Variants in CUL7 observed in about 807,000 individuals in gnomAD.
CUL7 encodes cullin 7, also known as cullin-7.
CUL7 carries 96 observed loss-of-function variants against 177.7 expected under a neutral mutation model. The observed-to-expected ratio is 0.54, with a 90% CI of 0.46 to 0.64. The LOEUF (loss-of-function observed/expected upper bound fraction) is 0.64. Among genes scored for constraint, CUL7 ranks in the 30% least tolerant of loss-of-function variants. The probability of loss-of-function intolerance (pLI) is 0.00; values close to 1 mark genes in which losing one functional copy is unlikely to be tolerated. For missense variants in CUL7, 1,893 were observed against 2,187.9 expected (o/e 0.87, Z 2.69); for synonymous variants, 824 against 890.2 (o/e 0.93, Z 1.32).
chr6:43,040,775 T>A lies in CUL7; in HGVS notation c.3807-29A>T, dbSNP rs1763346183. 6.2e-7 allele frequency: 1 copy of A among 1,610,986 alleles called. No individual in the cohort carries two copies. Among genetic ancestry groups the A allele is most frequent in the South Asian group, 1.1e-5 (1 of 91,014 alleles). On this transcript the variant is annotated intron_variant, in intron 20 of 25. Transcript: ENST00000265348. This position sits in a 1 kb window ranked among gnomAD's most constrained non-coding sequence, Gnocchi z 4.2. ...CAGTGCATGCAGCCCGGGCCAAGCC[T>A]CAGTGTGGGCACCAGTGTGGCCCAG...
chr6:43,038,197 A>C, intron 25 of CUL7, 70 bp downstream of exon 25: 1 of 1,569,200 alleles, frequency 6.4e-7, no homozygotes, highest in Non-Finnish European at 8.7e-7. Flanking sequence ...ACGTGCACCC[A>C]CCTTGTCCTG....
chr6:43,051,914 CAT>C lies in CUL7; in HGVS notation c.581-153_581-152del, dbSNP rs1234258404. 1 of 1,048,488 alleles carries C rather than the reference CAT, an allele frequency of 9.5e-7. No homozygotes were observed. The highest frequency in any genetic ancestry group is 2.4e-5 in the East Asian group (1 of 41,754). The allele number at this position is 1,048,488 out of a possible 1,614,324, so 64.9% of individuals were successfully genotyped here. ...AAGCTAAAATTTGCTAACTTATACACATACACACACACACGCACATAAACACG... is the reference window on the plus strand; with the variant it reads ...AAGCTAAAATTTGCTAACTTATACACACACACACACACGCACATAAACACG... On this transcript the variant is annotated intron_variant, in intron 2 of 25. Transcript: ENST00000265348. The surrounding 1 kb of genome is among the most constrained non-coding windows in gnomAD (Gnocchi z 5.0).
rs1393778816 is a variant in CUL7, at chr6:43,051,944, C to T, written c.581-181G>A. Among the ~76,000 whole-genome samples, 2 of 152,174 alleles carry T rather than the reference C, an allele frequency of 1.3e-5. No homozygotes were observed. The highest frequency in any genetic ancestry group is 6.6e-5 in the Admixed American group (1 of 15,266). Reference sequence around the variant, plus strand: ...ACACACACACGCACATAAACACGATCTACAATAGTCTAAACTCTAAATTCT... The same window carrying T: ...ACACACACACGCACATAAACACGATTTACAATAGTCTAAACTCTAAATTCT... On this transcript the variant is annotated intron_variant, in intron 2 of 25. Transcript: ENST00000265348. This position sits in a 1 kb window ranked among gnomAD's most constrained non-coding sequence, Gnocchi z 5.0.
Position 43,040,167 on chromosome 6 carries a change from A to T in CUL7, c.4283T>A (p.Phe1428Tyr). 2 of 1,614,066 alleles carry T rather than the reference A, an allele frequency of 1.2e-6. No homozygotes were observed. The highest frequency in any genetic ancestry group is 1.7e-6 in the Non-Finnish European group (2 of 1,180,012). The part of the protein sequence containing the change: ...LRGTLNRYSN[F>Y]YNKSQSHPAL... ...GCCTGGCTGCTCACTCTTGTTGTAG[A>T]AGTTGGAGTATCTGTTCAAAGTGCC... Residue 1428 changes from phenylalanine to tyrosine, a missense_variant, in exon 22 of 26, where the codon TTC (phenylalanine) becomes TAC (tyrosine). Around this residue, in one of 5 missense-constraint regions of CUL7, gnomAD observed 973 missense variants for 1,140.9 expected, o/e 0.85. Coordinates refer to ENST00000265348, the MANE Select transcript of CUL7 (RefSeq NM_014780.5). The surrounding 1 kb of genome is among the most constrained non-coding windows in gnomAD (Gnocchi z 4.2).
rs769499040 is a variant in CUL7 at position 43,040,607 on chromosome 6, G to A, written c.3946C>T (p.Arg1316Cys). 39 of 1,614,210 alleles carry A rather than the reference G, an allele frequency of 2.4e-5. No individual in the cohort carries two copies. The highest frequency in any genetic ancestry group is 3.1e-5 in the Non-Finnish European group (36 of 1,180,036). The change falls in exon 21 of 26, where the codon CGC becomes TGC. Residue 1316 changes from arginine (R) to cysteine (C), a missense_variant. Coordinates refer to ENST00000265348, the MANE Select transcript of CUL7 (RefSeq NM_014780.5). The surrounding 1 kb of genome is among the most constrained non-coding windows in gnomAD (Gnocchi z 4.2). ...QSLSTSKELQ[R>C]QFHVYQLQQL... ...TGGAGCTGGTAGACGTGGAACTGGCGCTGCAGCTCCTTAGAGGTGCTCAGG... is the reference window on the plus strand; with the variant it reads ...TGGAGCTGGTAGACGTGGAACTGGCACTGCAGCTCCTTAGAGGTGCTCAGG...
intron 19 of CUL7, 37 bp downstream of exon 19, chr6:43,042,765 G>A: frequency 6.9e-7 from 1 of 1,455,566 alleles, no homozygotes; most frequent in Non-Finnish European, 9.6e-7. Context: ...GAGTTTGTCG[G>A]AAGAGACCCA....
rs201127168 is a variant in CUL7, at chr6:43,042,003, CAAAAAAAA to C, written c.3645+791_3645+798del. Among the ~76,000 whole-genome samples, 136 of 53,554 alleles carry C rather than the reference CAAAAAAAA, an allele frequency of 2.5e-3. 2 individuals are homozygous for C. The highest frequency in any genetic ancestry group is 8.8e-3 in the Admixed American group (40 of 4,564). The allele number at this position is 53,554 out of a possible 152,430, so 35.1% of individuals were successfully genotyped here. A position where few individuals can be genotyped will look rare whatever the true frequency, so the allele number is the denominator to read the frequency against. ...TGGGCAACAGAGCGAGACTCCGTCT[CAAAAAAAA>C]AAAAAAAAAAAAGGAAGAAGAAAGA... On this transcript the variant is annotated intron_variant, in intron 19 of 25. Transcript: ENST00000265348.
intron 11 of CUL7, 22 bp downstream of exon 11, chr6:43,046,489 C>T: frequency 6.2e-7 from 1 of 1,614,050 alleles, no homozygotes; most frequent in Non-Finnish European, 8.5e-7. Context: ...GGAGGTGGAG[C>T]AACACGGCAA....
chr6:43,042,322 G>T (rs1271873864), intron 19 of CUL7, among the ~76,000 whole-genome samples: 1 of 151,990 alleles, frequency 6.6e-6, no homozygotes, highest in Non-Finnish European at 1.5e-5. Context: ...CTCATCAATT[G>T]TGGGGGGTTT....
chr6:43,039,807 T>C (rs1388262860), intron 22 of CUL7, among the ~76,000 whole-genome samples: 2 of 144,762 alleles, frequency 1.4e-5, no homozygotes, highest in Non-Finnish European at 3.0e-5. Flanking sequence ...TGGCACGATC[T>C]CGGCTCACTG....
Position 43,051,434 on chromosome 6 carries a change from C to T in CUL7, c.767G>A (p.Arg256Gln), listed in dbSNP as rs151210822. 359 of 1,613,878 alleles carry T rather than the reference C, an allele frequency of 2.2e-4. No homozygotes were observed. Among genetic ancestry groups the T allele is most frequent in the Non-Finnish European group, 2.9e-4 (340 of 1,180,020 alleles). Residue 256 changes from arginine (R) to glutamine (Q), a missense_variant, in exon 4 of 26, where the codon CGG becomes CAG. By Grantham distance (43) the Arg-to-Gln change is conservative. Coordinates refer to ENST00000265348, the MANE Select transcript of CUL7 (RefSeq NM_014780.5). This position sits in a 1 kb window ranked among gnomAD's most constrained non-coding sequence, Gnocchi z 5.0. ...PGRVLFSLVK[R>Q]YLHVTSLLDQ... ...CAGGAGCGAGGTGACATGCAAATAC[C>T]GCTTCACCAGGGAGAAGAGCACCCT... is the stretch of plus-strand genomic sequence containing the variant.
At chr6:43,049,261 G>A (rs1253391735) in intron 7 of CUL7, 146 bp downstream of exon 7, 2 of 1,029,012 alleles carry the variant, frequency 1.9e-6, no homozygotes, top group Non-Finnish European at 1.5e-6. Flanking sequence ...CACAATGCCT[G>A]CTTCTCCGTT....
rs1475713367 is a variant in CUL7, at chr6:43,048,568, T to C, written c.1827A>G (p.Ala609=). The C allele has an allele frequency of 6.2e-7, 1 of 1,612,326 alleles. No homozygotes were observed. The highest frequency in any genetic ancestry group is 8.5e-7 in the Non-Finnish European group (1 of 1,178,434). The change falls in exon 8 of 26, where the codon GCA becomes GCG. Residue 609 remains alanine (A), a splice_region_variant and synonymous_variant. Coordinates refer to ENST00000265348, the MANE Select transcript of CUL7 (RefSeq NM_014780.5). ...KDSEDAAKVE[A]KEPPSQSPNT... is the part of the protein sequence containing the mutation. ...TGGGACTCTGAGATGGGGGTTCTTTTGCTACAGGAAGGGGACAGTCACAGG... is the reference window on the plus strand; with the variant it reads ...TGGGACTCTGAGATGGGGGTTCTTTCGCTACAGGAAGGGGACAGTCACAGG...
intron 16 of CUL7, 29 bp downstream of exon 16, chr6:43,044,723 G>T (rs770168916): frequency 6.3e-7 from 1 of 1,594,852 alleles, no homozygotes; most frequent in South Asian, 1.1e-5. Flanking sequence ...CCCTGAGATA[G>T]TAATGGGTCC....
rs147736152 is a variant in CUL7 at position 43,046,346 on chromosome 6, C to T, written c.2550G>A (p.Pro850=). ...CWEKVEVSSN[P]HRASKLTDHN... is the part of the protein sequence containing the mutation. ...GGTCCGTCAGCTTGCTGGCCCGGTG[C>T]GGGTTGGAGGACACCTCCACCTTCT... is the stretch of plus-strand genomic sequence containing the variant. The change falls in exon 12 of 26, where the codon CCG becomes CCA. Residue 850 remains proline, a synonymous_variant. Transcript: ENST00000265348. The T allele has an allele frequency of 5.0e-5, 81 of 1,614,178 alleles. No homozygotes were observed. Among genetic ancestry groups the T allele is most frequent in the Admixed American group, 1.2e-4 (7 of 60,030 alleles).
chr6:43,044,095 G>T (rs1225408214), intron 16 of CUL7, among the ~76,000 whole-genome samples: 2 of 152,032 alleles, frequency 1.3e-5, no homozygotes, highest in East Asian at 3.9e-4. Context: ...GACTGAGGCG[G>T]GTGGATCACC....
rs141295852 is a variant in CUL7, at chr6:43,050,302, C to A, written c.1330G>T (p.Asp444Tyr). Residue 444 changes from aspartate (D) to tyrosine (Y), a missense_variant, in exon 5 of 26, where the codon GAT (aspartate) becomes TAT (tyrosine). Physicochemically the swap from Asp to Tyr is radical, Grantham distance 160. This residue lies in a region of CUL7 where 653 missense variants were observed against 725.2 expected (regional missense o/e 0.90). Transcript: ENST00000265348. This position sits in a 1 kb window ranked among gnomAD's most constrained non-coding sequence, Gnocchi z 4.1. ...EEDIEDMVEA[D>Y]EYQGAVASRV... is the part of the protein sequence containing the mutation. The stretch of plus-strand genomic sequence containing the variant: ...CTGGCCACTGCCCCTTGGTACTCAT[C>A]AGCCTCAACCATGTCCTCAATGTCT... The A allele has an allele frequency of 8.1e-6, 13 of 1,614,088 alleles. No homozygotes were observed. Among genetic ancestry groups the A allele is most frequent in the Non-Finnish European group, 1.1e-5 (13 of 1,180,046 alleles).
In CUL7 at chr6:43,050,906, T is replaced by G; in HGVS notation, c.1233+62A>C. 1 of 1,598,068 alleles carries G rather than the reference T, an allele frequency of 6.3e-7. No individual in the cohort carries two copies. Among genetic ancestry groups the G allele is most frequent in the South Asian group, 1.1e-5 (1 of 90,734 alleles). On this transcript the variant is annotated intron_variant, in intron 4 of 25. Transcript: ENST00000265348. The surrounding 1 kb of genome is among the most constrained non-coding windows in gnomAD (Gnocchi z 4.1). ...CTGCTGGAGCCCCCCCATATAGAAG[T>G]CCCAGCTCTGCCCTACCCCAAATAG...
rs565748576 is a variant in CUL7, at chr6:43,043,809, G to A, written c.3173-179C>T. Among the ~76,000 whole-genome samples, 7 of 151,104 alleles carry A rather than the reference G, an allele frequency of 4.6e-5. No homozygotes were observed. The highest frequency in any genetic ancestry group is 9.7e-5 in the African/African-American group (4 of 41,144). On this transcript the variant is annotated intron_variant, in intron 16 of 25. Coordinates refer to ENST00000265348, the MANE Select transcript of CUL7 (RefSeq NM_014780.5). This position sits in a 1 kb window ranked among gnomAD's most constrained non-coding sequence, Gnocchi z 4.2. ...TTTGGGAGGCTGAGATGAGAGGATC[G>A]CTTGAGGCAGGAGTTCAAGACTGGC...
Sources: allele counts gnomAD v4.1 joint callset (sites outside exome capture counted in the v4.1 genomes callset), GRCh38; gene constraint gnomAD v4.1.1; regional missense constraint gnomAD v4.1.1; non-coding constraint Gnocchi (gnomAD v3.1); transcripts MANE v1.5; gene names NCBI Gene and HGNC (gene_info 2026-07-23, HGNC 2026-07-21).